Variants in C2CD2 observed in about 807,000 individuals in gnomAD.
The protein encoded by C2CD2 is C2 domain-containing protein 2.
In C2CD2, 43 loss-of-function variants were observed where a neutral mutation model predicts 74.3. The ratio of observed to expected loss-of-function variants is 0.58; its 90% CI spans 0.45 to 0.75. The LOEUF (loss-of-function observed/expected upper bound fraction) is 0.75, where lower values mean the gene tolerates loss of function less well. Among genes scored for constraint, C2CD2 ranks in the 30% least tolerant of loss-of-function variants. C2CD2 has a pLI of 0.00. For synonymous variants in C2CD2, 422 were observed against 390.7 expected (o/e 1.08, Z -0.94); for missense variants, 801 against 916.3 (o/e 0.87, Z 1.63).
chr21:41,940,476 C>T (rs1020295665), intron 2 of C2CD2, among the ~76,000 whole-genome samples: 2 of 152,230 alleles, frequency 1.3e-5, no homozygotes, highest in East Asian at 1.9e-4. Flanking sequence ...CAGTCTGGGG[C>T]CACACAGGCG....
intron 2 of C2CD2, among the ~76,000 whole-genome samples, chr21:41,932,499 G>A (rs1037074416): frequency 6.6e-6 from 1 of 150,658 alleles, no homozygotes; most frequent in African/African-American, 2.4e-5. Flanking sequence ...GTCTGAAGTG[G>A]GGGCCGTCTT....
chr21:41,897,542 G>A (rs1272279034), intron 13 of C2CD2, among the ~76,000 whole-genome samples: 1 of 152,200 alleles, frequency 6.6e-6, no homozygotes, highest in African/African-American at 2.4e-5. Flanking sequence ...GCCCTCAAGT[G>A]CTCTGTGGAG....
At chr21:41,921,059 G>C (rs2065149370) in intron 3 of C2CD2, among the ~76,000 whole-genome samples, 1 of 152,192 alleles carries the variant, frequency 6.6e-6, no homozygotes, top group Non-Finnish European at 1.5e-5. Context: ...AACTAGCGGG[G>C]TGGATTTCAG....
intron 6 of C2CD2, among the ~76,000 whole-genome samples, chr21:41,914,214 G>A (rs1019964908): frequency 2.3e-4 from 34 of 149,616 alleles, no homozygotes; most frequent in Non-Finnish European, 3.5e-4. Flanking sequence ...CAACAAGAGC[G>A]AAACTCCATC....
chr21:41,934,407 C>A (rs1480363591), intron 2 of C2CD2, among the ~76,000 whole-genome samples: 5 of 152,082 alleles, frequency 3.3e-5, no homozygotes, highest in Non-Finnish European at 7.3e-5. Context: ...CCAGCCTAGG[C>A]GACAGAGTGA....
chr21:41,941,144 G>A (rs940043384), intron 2 of C2CD2, among the ~76,000 whole-genome samples: 17 of 152,036 alleles, frequency 1.1e-4, no homozygotes, highest in Non-Finnish European at 2.4e-4. Context: ...TTGAAACTAA[G>A]AGGAGGTCAA....
rs576049269 is a variant in C2CD2 at position 41,943,637 on chromosome 21, G to A, written c.280-1392C>T. On this transcript the variant is annotated intron_variant, in intron 1 of 13. Coordinates refer to ENST00000380486, the MANE Select transcript of C2CD2 (RefSeq NM_015500.2). ...CTACAAGGCGTGACCGAGGGTGGGA[G>A]AGGGGAAGCGGTGTAAAACCTTGCC... Among the ~76,000 whole-genome samples, 8 of 152,332 alleles carry A rather than the reference G, an allele frequency of 5.3e-5. No individual in the cohort carries two copies. The East Asian group carries it at 1.4e-3, about 26-fold the overall frequency.
chr21:41,911,916 G>A (rs1043464463), intron 7 of C2CD2, among the ~76,000 whole-genome samples: 2 of 152,128 alleles, frequency 1.3e-5, no homozygotes, highest in African/African-American at 4.8e-5. Flanking sequence ...TGCTCAGGCT[G>A]GTCTTAAACT....
rs1215642125 is a variant in C2CD2, at chr21:41,905,740, G to C, written c.1416C>G (p.Leu472=). 6 of 1,598,054 alleles carry C rather than the reference G, an allele frequency of 3.8e-6. No homozygotes were observed. The African/African-American group carries it at 6.7e-5, about 18-fold the overall frequency. The change falls in exon 11 of 14, where the codon CTC becomes CTG. Residue 472 remains leucine, a synonymous_variant. Coordinates refer to ENST00000380486, the MANE Select transcript of C2CD2 (RefSeq NM_015500.2). ...ACRSAPVSKT[L]SSSDTELLVL... is the part of the protein sequence containing the mutation. The stretch of plus-strand genomic sequence containing the variant: ...CTCAGTTACCTGTGTCTGAAGAAGA[G>C]AGTGTTTTGCTGACGGGGGCGCTGC...
At chr21:41,947,164 C>CT (rs1457624367) in intron 1 of C2CD2, among the ~76,000 whole-genome samples, 24 of 141,638 alleles carry the variant, frequency 1.7e-4, no homozygotes, top group Middle Eastern at 3.5e-3. Context: ...CTCCCTCTCT[C>CT]CTTCTTTTTT....
At chr21:41,908,243 T>TGTGTGTGTGTGTGTGTGTGTGTG in intron 8 of C2CD2, 1 of 167,382 alleles carries the variant, frequency 6.0e-6, no homozygotes, top group Non-Finnish European at 1.2e-5. Context: ...TACCCTCAAG[T>TGTGTGTGTGTGTGTGTGTGTGTG]TGTGTGTGTG....
Position 41,907,118 on chromosome 21 carries a change from G to A in C2CD2, c.1192C>T (p.Pro398Ser). 2.5e-6 allele frequency: 4 copies of A among 1,614,104 alleles called. No individual in the cohort carries two copies. The highest frequency in any genetic ancestry group is 2.2e-5 in the South Asian group (2 of 91,082). ...GELKSWPIPP[P>S]VPAAKIEKDR... ...TTTTCTATTTTTGCAGCAGGAACAG[G>A]GGGAGGGATGGGCCAGGATTTCAAT... is the stretch of plus-strand genomic sequence containing the variant. Residue 398 changes from proline to serine, a missense_variant, in exon 10 of 14, where the codon CCT (proline) becomes TCT (serine). Coordinates refer to ENST00000380486, the MANE Select transcript of C2CD2 (RefSeq NM_015500.2).
rs1173837636 is a variant in C2CD2, at chr21:41,945,637, G to A, written c.280-3392C>T. On this transcript the variant is annotated intron_variant, in intron 1 of 13. Coordinates refer to ENST00000380486, the MANE Select transcript of C2CD2 (RefSeq NM_015500.2). This position sits in a 1 kb window ranked among gnomAD's most constrained non-coding sequence, Gnocchi z 4.2. Reference sequence around the variant, plus strand: ...TTTGTAACCACCATGTGTCAAGAGAGGGACCTGTAATCCTCACCTGCAGAG... The same window carrying A: ...TTTGTAACCACCATGTGTCAAGAGAAGGACCTGTAATCCTCACCTGCAGAG... Among the ~76,000 whole-genome samples the A allele has an allele frequency of 6.6e-6, 1 of 152,230 alleles. No homozygotes were observed. Among genetic ancestry groups the A allele is most frequent in the Non-Finnish European group, 1.5e-5 (1 of 68,040 alleles).
At position 41,953,339 on chromosome 21, in the gene C2CD2, C is replaced by T. The variant is rs147911401; in HGVS notation, c.279+31G>A. 2,776 of 1,363,312 alleles carry T rather than the reference C, an allele frequency of 2.0e-3. 21 individuals are homozygous for T. Among genetic ancestry groups the T allele is most frequent in the Middle Eastern group, 0.017 (86 of 5,142 alleles). 84.5% of individuals were successfully genotyped at this position (1,363,312 alleles called of 1,614,324 possible). A position where few individuals can be genotyped will look rare whatever the true frequency, so the allele number is the denominator to read the frequency against. On this transcript the variant is annotated intron_variant, in intron 1 of 13. Transcript: ENST00000380486. ...CCGGACCGCCCGCCCCGGCATCTGCCGCCCCCCGGCCCGCAGTCCCGGAAA... is the reference window on the plus strand; with the variant it reads ...CCGGACCGCCCGCCCCGGCATCTGCTGCCCCCCGGCCCGCAGTCCCGGAAA...
rs372322182 is a variant in C2CD2 at position 41,905,873 on chromosome 21, C to A, written c.1319-36G>T. 24 of 1,147,008 alleles carry A rather than the reference C, an allele frequency of 2.1e-5. No homozygotes were observed. In the South Asian group the frequency reaches 2.7e-4, roughly 13 times the overall value. The allele number at this position is 1,147,008 out of a possible 1,614,324, so 71.1% of individuals were successfully genotyped here. A position where few individuals can be genotyped will look rare whatever the true frequency, so the allele number is the denominator to read the frequency against. On this transcript the variant is annotated intron_variant, in intron 10 of 13. Transcript: ENST00000380486. ...AAGATCCTGATTACAAAAGCGGCCC[C>A]GTGGCTGACTGGATCAACAGTTACC...
chr21:41,905,887 T>TCA (rs750294573), intron 10 of C2CD2, 50 bp from the exon 11 acceptor site: 11 of 1,003,934 alleles, frequency 1.1e-5, no homozygotes, highest in Admixed American at 1.7e-5. Flanking sequence ...GCTGACTGGA[T>TCA]CAACAGTTAC....
intron 5 of C2CD2, 151 bp downstream of exon 5, chr21:41,917,954 C>G: frequency 1.2e-6 from 1 of 806,306 alleles, no homozygotes. Flanking sequence ...TATCCCACAT[C>G]CACCATCATG....
At chr21:41,935,947 C>A (rs1323317067) in intron 2 of C2CD2, among the ~76,000 whole-genome samples, 1 of 151,824 alleles carries the variant, frequency 6.6e-6, no homozygotes, top group Non-Finnish European at 1.5e-5. Flanking sequence ...AAAATCAACT[C>A]AAAATGCATG....
intron 13 of C2CD2, among the ~76,000 whole-genome samples, chr21:41,891,344 G>A (rs564439308): frequency 1.3e-5 from 2 of 152,336 alleles, no homozygotes; most frequent in East Asian, 1.9e-4. Context: ...GCAGCACATC[G>A]TGAAAAACCA....
Sources: gnomAD v4.1 joint callset for allele counts (sites outside exome capture counted in the v4.1 genomes callset) on GRCh38, gnomAD v4.1.1 for gene constraint, Gnocchi (gnomAD v3.1) non-coding constraint, MANE v1.5 for transcripts, NCBI Gene and HGNC (gene_info 2026-07-23, HGNC 2026-07-21) for gene names.